Variants in SCN8A observed in about 807,000 individuals in gnomAD.
SCN8A encodes sodium voltage-gated channel alpha subunit 8.
SCN8A carries 30 observed loss-of-function variants against 184.1 expected under a neutral mutation model. The ratio of observed to expected loss-of-function variants is 0.16; its 90% CI spans 0.12 to 0.22. SCN8A has a LOEUF of 0.22. Among genes scored for constraint, SCN8A ranks in the 10% least tolerant of loss-of-function variants. The pLI is 1.00. For synonymous variants in SCN8A, 852 were observed against 907.0 expected (o/e 0.94, Z 1.09); for missense variants, 1,057 against 2,498.9 (o/e 0.42, Z 12.30).
intron 26 of SCN8A, among the ~76,000 whole-genome samples, chr12:51,797,881 T>C (rs762056587): frequency 1.3e-5 from 2 of 152,200 alleles, no homozygotes; most frequent in Non-Finnish European, 2.9e-5. Context: ...AGTGACAGCA[T>C]TCCTCCCTCT....
chr12:51,591,736 C>T (rs970440330), intron 1 of SCN8A, among the ~76,000 whole-genome samples: 14 of 152,146 alleles, frequency 9.2e-5, no homozygotes, highest in African/African-American at 2.7e-4. Flanking sequence ...CCCTAGCCGG[C>T]TTGCACTGGG....
rs187034007 is a variant in SCN8A at position 51,641,715 on chromosome 12, C to T, written c.-54-21049C>T. ...CGTGTCCCACATCTTATCCACTGTG[C>T]GGAAAGGCAGTGTGTTATAGAAAAT... On this transcript the variant is annotated intron_variant, in intron 1 of 26. Coordinates refer to ENST00000627620, the MANE Select transcript of SCN8A (RefSeq NM_001330260.2). 5.6e-4 allele frequency among the ~76,000 whole-genome samples: 86 copies of T among 152,290 alleles called. 1 individual carries two copies. The highest frequency in any genetic ancestry group is 1.9e-3 in the African/African-American group (79 of 41,556).
intron 1 of SCN8A, among the ~76,000 whole-genome samples, chr12:51,618,632 C>T (rs777360829): frequency 6.6e-6 from 1 of 152,084 alleles, no homozygotes; most frequent in Non-Finnish European, 1.5e-5. Context: ...GCAGCTCTGT[C>T]CAAGGATTTT....
rs1319214141 is a variant in SCN8A, at chr12:51,811,215, G to A, written c.*3786G>A. ...TTTGGGGAAAGGAGGGGAATAGAGG[G>A]AAGAGAAATCAAAGGGGCTCTCGCA... On this transcript the variant is annotated 3_prime_UTR_variant, in exon 27 of 27. Coordinates refer to ENST00000627620, the MANE Select transcript of SCN8A (RefSeq NM_001330260.2). 1 of 152,144 alleles carries A rather than the reference G, an allele frequency of 6.6e-6. No individual in the cohort carries two copies. The highest frequency in any genetic ancestry group is 2.4e-5 in the African/African-American group (1 of 41,404). The allele number at this position is 152,144 out of a possible 1,614,324, so 9.4% of individuals were successfully genotyped here. A position where few individuals can be genotyped will look rare whatever the true frequency, so the allele number is the denominator to read the frequency against.
rs778538683 is a variant in SCN8A at position 51,669,378 on chromosome 12, G to A, written c.276+6285G>A. ...GCAAAATAGAGTTAGACCCATATCT[G>A]TATCTTTCTAATTGTATTTCACACT... On this transcript the variant is annotated intron_variant, in intron 2 of 26. Transcript: ENST00000627620. Among the ~76,000 whole-genome samples the A allele has an allele frequency of 2.0e-5, 3 of 152,144 alleles. No individual in the cohort carries two copies. The South Asian group carries it at 6.2e-4, about 32-fold the overall frequency.
At chr12:51,756,905 A>G (rs1489209133) in intron 14 of SCN8A, among the ~76,000 whole-genome samples, 1 of 152,276 alleles carries the variant, frequency 6.6e-6, no homozygotes, top group Non-Finnish European at 1.5e-5. Context: ...AGCAAAAGCA[A>G]AAAAGCAGAA....
chr12:51,617,744 T>A (rs1211894555), intron 1 of SCN8A, among the ~76,000 whole-genome samples: 1 of 152,226 alleles, frequency 6.6e-6, no homozygotes, highest in East Asian at 1.9e-4. Context: ...TTATTTGTTT[T>A]AGCAGGCAAT....
intron 20 of SCN8A, among the ~76,000 whole-genome samples, chr12:51,776,099 T>C (rs1056836545): frequency 6.6e-6 from 1 of 152,180 alleles, no homozygotes; most frequent in Non-Finnish European, 1.5e-5. Flanking sequence ...ACACGATCCT[T>C]GCACCTCAGC....
At chr12:51,672,614 T>C (rs1269516341) in intron 2 of SCN8A, among the ~76,000 whole-genome samples, 2 of 152,174 alleles carry the variant, frequency 1.3e-5, no homozygotes, top group African/African-American at 4.8e-5. Context: ...GCCTAGAATG[T>C]TCCTTAAATA....
At chr12:51,724,840 G>T (rs1252716732) in intron 12 of SCN8A, among the ~76,000 whole-genome samples, 3 of 152,208 alleles carry the variant, frequency 2.0e-5, no homozygotes, top group Non-Finnish European at 4.4e-5. Flanking sequence ...AGATGATCAG[G>T]TTTAGGGGTT....
At chr12:51,741,995 C>T (rs1942434163) in intron 12 of SCN8A, among the ~76,000 whole-genome samples, 1 of 152,150 alleles carries the variant, frequency 6.6e-6, no homozygotes, top group African/African-American at 2.4e-5. Context: ...TGAGCCACTG[C>T]ACCTGGCATA....
At chr12:51,635,026 AAAGACTGACAGAATAGTCTAC>A (rs1297013915) in intron 1 of SCN8A, among the ~76,000 whole-genome samples, 1 of 152,246 alleles carries the variant, frequency 6.6e-6, no homozygotes, top group Non-Finnish European at 1.5e-5. Context: ...GTGATTTTTC[AAAGACTGACAGAATAGTCTAC>A]AAGTTAACCA....
chr12:51,777,255 T>A (rs1430732617), intron 20 of SCN8A, among the ~76,000 whole-genome samples: 1 of 152,178 alleles, frequency 6.6e-6, no homozygotes, highest in Non-Finnish European at 1.5e-5. Flanking sequence ...GAATTTATTT[T>A]TTTTTTCATT....
At chr12:51,600,224 A>G (rs1440830047) in intron 1 of SCN8A, among the ~76,000 whole-genome samples, 1 of 152,204 alleles carries the variant, frequency 6.6e-6, no homozygotes, top group African/African-American at 2.4e-5. Flanking sequence ...GTCCATTCAT[A>G]GACACTTAAC....
chr12:51,607,430 T>A (rs1939619755), intron 1 of SCN8A, among the ~76,000 whole-genome samples: 1 of 152,180 alleles, frequency 6.6e-6, no homozygotes, highest in Admixed American at 6.5e-5. Flanking sequence ...CTTTCTCTTC[T>A]CTGATTGCTC....
At chr12:51,644,961 A>G (rs1489799572) in intron 1 of SCN8A, among the ~76,000 whole-genome samples, 2 of 133,690 alleles carry the variant, frequency 1.5e-5, no homozygotes, top group Non-Finnish European at 3.2e-5. Flanking sequence ...CCCTCCGCCC[A>G]GCAGCCACCC....
At chr12:51,714,776 G>A (rs1941938852) in intron 11 of SCN8A, among the ~76,000 whole-genome samples, 1 of 152,136 alleles carries the variant, frequency 6.6e-6, no homozygotes, top group African/African-American at 2.4e-5. Flanking sequence ...ATTTTTCTGT[G>A]GAATGCAAAA....
intron 19 of SCN8A, among the ~76,000 whole-genome samples, 160 bp from the exon 20 acceptor site, chr12:51,774,029 T>A (rs1942970449): frequency 6.6e-6 from 1 of 152,212 alleles, no homozygotes; most frequent in Non-Finnish European, 1.5e-5. Flanking sequence ...AATAAACCTA[T>A]TAAAACATAA....
rs1001136596 is a variant in SCN8A at position 51,769,017 on chromosome 12, C to T, written c.3054C>T (p.Phe1018=). The stretch of plus-strand genomic sequence containing the variant: ...GGACCAAACTAAAGGTGCACGCCTT[C>T]ATGCAGGCCCACTTTAAGCAGCGTG... ...VAWTKLKVHA[F]MQAHFKQREA... is the part of the protein sequence containing the mutation. The change falls in exon 17 of 27, where the codon TTC becomes TTT. Residue 1018 remains phenylalanine, a synonymous_variant. Transcript: ENST00000627620. The T allele has an allele frequency of 5.0e-6, 8 of 1,614,022 alleles. No homozygotes were observed. The highest frequency in any genetic ancestry group is 6.8e-6 in the Non-Finnish European group (8 of 1,179,906).
Sources: allele counts gnomAD v4.1 joint callset (sites outside exome capture counted in the v4.1 genomes callset), GRCh38; gene constraint gnomAD v4.1.1; transcripts MANE v1.5; gene names NCBI Gene and HGNC (gene_info 2026-07-23, HGNC 2026-07-21).